CDK2AP1: variants seen among roughly 807,000 people sequenced by gnomAD.
CDK2AP1 encodes cyclin-dependent kinase 2-associated protein 1.
CDK2AP1 carries 10 observed loss-of-function variants against 14.1 expected under a neutral mutation model. That is an observed-to-expected ratio of 0.71 (90% CI 0.44 to 1.20). The LOEUF (loss-of-function observed/expected upper bound fraction) is 1.20. Among genes scored for constraint, CDK2AP1 ranks in the 50% most tolerant of loss-of-function variants. The probability of loss-of-function intolerance (pLI) is 0.00; values close to 1 mark genes in which losing one functional copy is unlikely to be tolerated. For synonymous variants in CDK2AP1, 59 were observed against 59.8 expected (o/e 0.99, Z 0.06); for missense variants, 102 against 149.9 (o/e 0.68, Z 1.67).
intron 1 of CDK2AP1, chr12:123,267,605 C>G (rs1025986523): frequency 6.4e-6 from 2 of 311,176 alleles, no homozygotes; most frequent in Non-Finnish European, 1.3e-5. Flanking sequence ...CCCATCCCCT[C>G]TCCCTGTGTC....
At chr12:123,268,499 C>G (rs1251412749) in intron 1 of CDK2AP1, among the ~76,000 whole-genome samples, 1 of 152,284 alleles carries the variant, frequency 6.6e-6, no homozygotes, top group Non-Finnish European at 1.5e-5. Flanking sequence ...ACCTGCCCCT[C>G]TCTCCGAGAA....
At chr12:123,268,910 G>C (rs1330707797) in intron 1 of CDK2AP1, among the ~76,000 whole-genome samples, 1 of 152,176 alleles carries the variant, frequency 6.6e-6, no homozygotes, top group Non-Finnish European at 1.5e-5. Context: ...GCACAGACCT[G>C]GGTTCTGATC....
At position 123,267,279 on chromosome 12, in the gene CDK2AP1, C is replaced by A; in HGVS notation, c.59G>T (p.Gly20Val). 6.2e-7 allele frequency: 1 copy of A among 1,606,158 alleles called. No homozygotes were observed. The highest frequency in any genetic ancestry group is 1.1e-5 in the South Asian group (1 of 90,884). The stretch of plus-strand genomic sequence containing the variant: ...GCTGGTGGAAGGCGAGTGGACACTC[C>A]CAGCTGTGGGGTGGGGAGAGAGAGG... ...HMPAAALNAAGSVHSPSTSMA... is the reference protein window; with the variant it reads ...HMPAAALNAAVSVHSPSTSMA... Residue 20 changes from glycine (G) to valine (V), a missense_variant, in exon 2 of 4, where the codon GGG becomes GTG. Gly to Val is a moderately radical substitution (Grantham distance 109). This residue lies in a region of CDK2AP1 where 50 missense variants were observed against 42.7 expected (regional missense o/e 1.17). Coordinates refer to ENST00000261692, the MANE Select transcript of CDK2AP1 (RefSeq NM_004642.4).
chr12:123,271,414 A>T, intron 1 of CDK2AP1, 150 bp downstream of exon 1: 1 of 241,860 alleles, frequency 4.1e-6, no homozygotes, highest in Non-Finnish European at 6.5e-6. Context: ...GGGCTCGGGA[A>T]TCATGGCGGC....
At chr12:123,267,599 T>G in intron 1 of CDK2AP1, 1 of 313,530 alleles carries the variant, frequency 3.2e-6, no homozygotes, top group South Asian at 3.0e-5. Context: ...ACTCTGCCCA[T>G]CCCCTCTCCC....
Position 123,271,571 on chromosome 12 carries a change from GA to G in CDK2AP1, c.47del (p.Leu16ProfsTer32). On this transcript the variant is annotated frameshift_variant, in exon 1 of 4. Transcript: ENST00000261692. LOFTEE classifies it high-confidence loss of function. ...NLAAHMPAAA[L>X]NAAGSVHSPS... ...CGCACGCGGCTCACTCACCGGCGTT[GA>G]GGGCGGCGGCGGGCATGTGCGCGGC... The G allele has an allele frequency of 2.0e-6, 2 of 1,009,558 alleles. No homozygotes were observed. Among genetic ancestry groups the G allele is most frequent in the Non-Finnish European group, 2.4e-6 (2 of 846,420 alleles). The allele number at this position is 1,009,558 out of a possible 1,614,324, so 62.5% of individuals were successfully genotyped here.
At position 123,271,324 on chromosome 12, in the gene CDK2AP1, G is replaced by C. The variant is rs953015258; in HGVS notation, c.55+240C>G. 2.1e-3 allele frequency among the ~76,000 whole-genome samples: 311 copies of C among 147,100 alleles called. 1 individual carries two copies. The highest frequency in any genetic ancestry group is 7.2e-3 in the African/African-American group (295 of 40,972). On this transcript the variant is annotated intron_variant, in intron 1 of 3. Transcript: ENST00000261692. ...CTGCGATCCGCAGCCGCCGGCGCGG[G>C]GGTCACCCCGGGCCGCCCGCCCCGC...
intron 3 of CDK2AP1, among the ~76,000 whole-genome samples, chr12:123,262,985 G>A (rs982948713): frequency 2.0e-5 from 3 of 151,444 alleles, no homozygotes; most frequent in African/African-American, 7.3e-5. Context: ...AGGCCGGGGC[G>A]GGTTGCCCAC....
intron 1 of CDK2AP1, chr12:123,271,028 C>CG: frequency 1.1e-6 from 1 of 882,196 alleles, no homozygotes; most frequent in African/African-American, 2.2e-5. Context: ...TCAGGGCCCC[C>CG]GGCAGCCCGG....
intron 3 of CDK2AP1, among the ~76,000 whole-genome samples, chr12:123,264,658 A>C (rs2048270621): frequency 6.6e-6 from 1 of 151,866 alleles, no homozygotes; most frequent in Non-Finnish European, 1.5e-5. Flanking sequence ...ACACCTTAAC[A>C]CGAGTCCCTT....
At chr12:123,267,305 C>T (rs750044373) in intron 1 of CDK2AP1, 23 bp from the exon 2 acceptor site, 288 of 1,483,774 alleles carry the variant, frequency 1.9e-4, no homozygotes, top group Non-Finnish European at 2.2e-4. Flanking sequence ...GAGAGAGAGG[C>T]CAGGAGTCAG....
chr12:123,263,508 AG>A (rs1434774720), intron 3 of CDK2AP1, among the ~76,000 whole-genome samples: 23 of 152,174 alleles, frequency 1.5e-4, no homozygotes, highest in Non-Finnish European at 4.4e-5. Flanking sequence ...GCATCTTCCC[AG>A]GAATTTCCAT....
intron 1 of CDK2AP1, chr12:123,270,308 C>T (rs1199999743): frequency 2.9e-6 from 1 of 344,894 alleles, no homozygotes; most frequent in Non-Finnish European, 4.1e-6. Context: ...TCCCTCCGCA[C>T]CCTGACGCTT....
chr12:123,271,994 G>A, upstream of CDK2AP1: 1 of 147,344 alleles, frequency 6.8e-6, no homozygotes, highest in Non-Finnish European at 1.5e-5. Flanking sequence ...CTGGGGTCCC[G>A]GCGGCGCCTG....
At chr12:123,269,545 A>T (rs1263931022) in intron 1 of CDK2AP1, among the ~76,000 whole-genome samples, 1 of 152,246 alleles carries the variant, frequency 6.6e-6, no homozygotes, top group African/African-American at 2.4e-5. Flanking sequence ...CAATGAGCGC[A>T]GTGTGCAGGA....
chr12:123,268,552 T>G (rs2048321897), intron 1 of CDK2AP1, among the ~76,000 whole-genome samples: 1 of 152,262 alleles, frequency 6.6e-6, no homozygotes, highest in Non-Finnish European at 1.5e-5. Flanking sequence ...AGGCCAGCCC[T>G]GGATGCTGCC....
Position 123,265,384 on chromosome 12 carries a change from T to C in CDK2AP1, c.154-62A>G. The C allele has an allele frequency of 6.5e-7, 1 of 1,549,380 alleles. No individual in the cohort carries two copies. The highest frequency in any genetic ancestry group is 8.9e-7 in the Non-Finnish European group (1 of 1,123,444). On this transcript the variant is annotated intron_variant, in intron 2 of 3. Coordinates refer to ENST00000261692, the MANE Select transcript of CDK2AP1 (RefSeq NM_004642.4). The surrounding 1 kb of genome is among the most constrained non-coding windows in gnomAD (Gnocchi z 5.3). ...CGGGCGTGGTGGTGCGTGCCTGTAG[T>C]CCCAGTTACTCAGGAGGCTGAGGCA...
intron 1 of CDK2AP1, chr12:123,268,084 G>A (rs1033197678): frequency 1.7e-5 from 12 of 691,432 alleles, no homozygotes; most frequent in Non-Finnish European, 1.8e-5. Flanking sequence ...AGGAGCACGC[G>A]GCCCCGCAAT....
chr12:123,268,317 TGAGGG>T, intron 1 of CDK2AP1: 1 of 802,522 alleles, frequency 1.2e-6, no homozygotes, highest in Non-Finnish European at 1.5e-6. Flanking sequence ...TTGGTGTGGG[TGAGGG>T]GAGGGGCAGA....
Sources: gnomAD v4.1 joint callset for allele counts (sites outside exome capture counted in the v4.1 genomes callset) on GRCh38, gnomAD v4.1.1 for gene constraint, gnomAD v4.1.1 regional missense constraint, Gnocchi (gnomAD v3.1) non-coding constraint, MANE v1.5 for transcripts, NCBI Gene and HGNC (gene_info 2026-07-23, HGNC 2026-07-21) for gene names.